FOXN4: variants seen among roughly 807,000 people sequenced by gnomAD.
FOXN4 encodes forkhead box protein N4.
A neutral mutation model predicts 45.0 loss-of-function variants in FOXN4; 12 were observed. The observed-to-expected ratio is 0.27, with a 90% CI of 0.17 to 0.43. The LOEUF (loss-of-function observed/expected upper bound fraction) is 0.43. Ranked by LOEUF, FOXN4 falls within the 20% of genes least tolerant of loss-of-function variation. The probability of loss-of-function intolerance (pLI) is 1.00; values close to 1 mark genes in which losing one functional copy is unlikely to be tolerated. For missense variants in FOXN4, 560 were observed against 694.9 expected (o/e 0.81, Z 2.18); for synonymous variants, 297 against 295.0 (o/e 1.01, Z -0.07).
chr12:109,287,361 G>A lies in FOXN4; in HGVS notation c.596+36C>T, dbSNP rs550465202. The A allele has an allele frequency of 2.1e-4, 327 of 1,550,592 alleles. No homozygotes were observed. Among genetic ancestry groups the A allele is most frequent in the Non-Finnish European group, 2.6e-4 (298 of 1,146,586 alleles). On this transcript the variant is annotated intron_variant, in intron 6 of 9. Coordinates refer to ENST00000299162, the MANE Select transcript of FOXN4 (RefSeq NM_213596.3). This position sits in a 1 kb window ranked among gnomAD's most constrained non-coding sequence, Gnocchi z 4.1. ...AGCCTCATCCCTCTCTCCCGGAGCC[G>A]CCCTTGGCCCTGACCCGGCCCACCC...
At chr12:109,302,065 A>T (rs1275771194) in intron 2 of FOXN4, among the ~76,000 whole-genome samples, 1 of 152,166 alleles carries the variant, frequency 6.6e-6, no homozygotes, top group Non-Finnish European at 1.5e-5. Flanking sequence ...ATGATCACCC[A>T]CTAATGTAAC....
chr12:109,298,135 C>T (rs903347447), intron 2 of FOXN4, among the ~76,000 whole-genome samples: 1 of 152,052 alleles, frequency 6.6e-6, no homozygotes, highest in Non-Finnish European at 1.5e-5. Flanking sequence ...AGGAGTCCCC[C>T]ATCGCCATCC....
chr12:109,287,975 G>T lies in FOXN4; in HGVS notation c.358-21C>A. ...CTCATCTGCTGGGCAGGAAGAGGAG[G>T]AGACAGAGGGTCACGGTGGGGGTAG... On this transcript the variant is annotated intron_variant, in intron 4 of 9. Coordinates refer to ENST00000299162, the MANE Select transcript of FOXN4 (RefSeq NM_213596.3). The surrounding 1 kb of genome is among the most constrained non-coding windows in gnomAD (Gnocchi z 4.1). 6.5e-7 allele frequency: 1 copy of T among 1,549,716 alleles called. No homozygotes were observed.
At position 109,287,619 on chromosome 12, in the gene FOXN4, T is replaced by C; in HGVS notation, c.469-95A>G. 1 of 1,409,698 alleles carries C rather than the reference T, an allele frequency of 7.1e-7. No individual in the cohort carries two copies. Among genetic ancestry groups the C allele is most frequent in the Non-Finnish European group, 9.4e-7 (1 of 1,062,066 alleles). The allele number at this position is 1,409,698 out of a possible 1,614,324, so 87.3% of individuals were successfully genotyped here. On this transcript the variant is annotated intron_variant, in intron 5 of 9. Coordinates refer to ENST00000299162, the MANE Select transcript of FOXN4 (RefSeq NM_213596.3). The surrounding 1 kb of genome is among the most constrained non-coding windows in gnomAD (Gnocchi z 4.1). ...CACAGTAACACTGTCCCCACCCCAG[T>C]TTCAAAACACCTTGTGTGGGGATTC...
At chr12:109,282,431 G>C (rs969897810) in intron 8 of FOXN4, among the ~76,000 whole-genome samples, 7 of 152,168 alleles carry the variant, frequency 4.6e-5, no homozygotes, top group African/African-American at 1.4e-4. Flanking sequence ...CTGGGTGATA[G>C]AGCAAGACCC....
Position 109,285,274 on chromosome 12 carries a change from T to TGTGTGTGTGTGCGC in FOXN4, c.901+29_901+30insGCGCACACACACAC, listed in dbSNP as rs71443850. On this transcript the variant is annotated intron_variant, in intron 8 of 9. Coordinates refer to ENST00000299162, the MANE Select transcript of FOXN4 (RefSeq NM_213596.3). ...GTGTGTGTGTGTGTGTGTGTGTGTG[T>TGTGTGTGTGTGCGC]GCGCGCACTGCGGGCTGTCCGGCCC... 1.4e-5 allele frequency: 21 copies of TGTGTGTGTGTGCGC among 1,539,840 alleles called. No homozygotes were observed. The African/African-American group carries it at 2.9e-4, about 21-fold the overall frequency.
At chr12:109,295,818 C>T (rs543775313) in intron 2 of FOXN4, among the ~76,000 whole-genome samples, 7 of 152,182 alleles carry the variant, frequency 4.6e-5, no homozygotes, top group South Asian at 2.1e-4. Context: ...TCCTTCCACC[C>T]GCTTCCTCCA....
At chr12:109,305,409 C>T (rs2047912574) in intron 2 of FOXN4, among the ~76,000 whole-genome samples, 1 of 151,994 alleles carries the variant, frequency 6.6e-6, no homozygotes, top group Non-Finnish European at 1.5e-5. Context: ...GTTATTTTGC[C>T]TTCTGGATAC....
intron 2 of FOXN4, among the ~76,000 whole-genome samples, chr12:109,298,337 T>A (rs559841050): frequency 8.1e-6 from 1 of 122,784 alleles, no homozygotes; most frequent in South Asian, 2.3e-4. Context: ...TCAGGTTTTT[T>A]TTTTTTGTTT....
At position 109,295,583 on chromosome 12, in the gene FOXN4, T is replaced by G. The variant is rs555782698; in HGVS notation, c.87-5297A>C. ...GGCAGATCACCTGAGGTCAGGAGTTTGAGACCAGCCTGGCCAACATGGCGA... is the reference window on the plus strand; with the variant it reads ...GGCAGATCACCTGAGGTCAGGAGTTGGAGACCAGCCTGGCCAACATGGCGA... On this transcript the variant is annotated intron_variant, in intron 2 of 9. Coordinates refer to ENST00000299162, the MANE Select transcript of FOXN4 (RefSeq NM_213596.3). 7.9e-5 allele frequency among the ~76,000 whole-genome samples: 12 copies of G among 152,344 alleles called. No individual in the cohort carries two copies. In the South Asian group the frequency reaches 2.5e-3, roughly 32 times the overall value.
chr12:109,281,575 G>C lies in FOXN4; in HGVS notation c.1126C>G (p.Pro376Ala). 1 of 1,606,708 alleles carries C rather than the reference G, an allele frequency of 6.2e-7. No homozygotes were observed. Reference protein sequence around the residue: ...QPQAHLAPDSPAPAQTPPLHA... With the variant: ...QPQAHLAPDSAAPAQTPPLHA... ...AGTGGCGGGGTCTGGGCTGGTGCTG[G>C]AGAGTCTGGAGCAAGATGTGCCTGG... Residue 376 changes from proline (P) to alanine (A), a missense_variant, in exon 9 of 10, where the codon CCA (proline) becomes GCA (alanine). Physicochemically the swap from Pro to Ala is conservative, Grantham distance 27. Coordinates refer to ENST00000299162, the MANE Select transcript of FOXN4 (RefSeq NM_213596.3).
intron 2 of FOXN4, among the ~76,000 whole-genome samples, chr12:109,292,485 C>G (rs1306256856): frequency 1.3e-5 from 2 of 152,282 alleles, no homozygotes; most frequent in South Asian, 4.1e-4. Context: ...GGCTTAACCT[C>G]TCTGAGCCTC....
chr12:109,285,240 C>A, intron 8 of FOXN4, 64 bp downstream of exon 8: 1 of 1,379,128 alleles, frequency 7.3e-7, no homozygotes, highest in South Asian at 1.3e-5. Flanking sequence ...GGTCCTTCCT[C>A]TTCCGTGTGT....
intron 2 of FOXN4, among the ~76,000 whole-genome samples, chr12:109,300,880 G>T (rs2047862504): frequency 2.6e-5 from 4 of 152,114 alleles, no homozygotes; most frequent in African/African-American, 9.7e-5. Context: ...CTGCACTCCA[G>T]CCTGGGGGAC....
intron 2 of FOXN4, among the ~76,000 whole-genome samples, chr12:109,306,138 C>G (rs530016961): frequency 4.6e-5 from 7 of 152,174 alleles, no homozygotes; most frequent in Admixed American, 6.5e-5. Context: ...CACTTCCCAC[C>G]GTGAGAGCCC....
In FOXN4 at chr12:109,288,632, AC is replaced by A. The variant is rs1276579934; in HGVS notation, c.233-453del. The stretch of plus-strand genomic sequence containing the variant: ...GTGCCTCTAGGTTTAGGTCCAAAGT[AC>A]CTTTGTGCCTCCTCTCCCCTTTGCC... On this transcript the variant is annotated intron_variant, in intron 3 of 9. Coordinates refer to ENST00000299162, the MANE Select transcript of FOXN4 (RefSeq NM_213596.3). The surrounding 1 kb of genome is among the most constrained non-coding windows in gnomAD (Gnocchi z 4.3). Among the ~76,000 whole-genome samples, 2 of 152,174 alleles carry A rather than the reference AC, an allele frequency of 1.3e-5. No individual in the cohort carries two copies. The highest frequency in any genetic ancestry group is 4.8e-5 in the African/African-American group (2 of 41,438).
intron 9 of FOXN4, among the ~76,000 whole-genome samples, chr12:109,280,594 C>T (rs2047643868): frequency 6.6e-6 from 1 of 152,154 alleles, no homozygotes; most frequent in Non-Finnish European, 1.5e-5. Flanking sequence ...TCTCTTTCTT[C>T]AGCACGTTGA....
At chr12:109,293,936 C>A (rs1041536503) in intron 2 of FOXN4, among the ~76,000 whole-genome samples, 6 of 152,282 alleles carry the variant, frequency 3.9e-5, no homozygotes, top group Non-Finnish European at 8.8e-5. Context: ...GTAGGCAGCC[C>A]CACTTCACAG....
chr12:109,286,502 G>A (rs2047711561), intron 7 of FOXN4, 146 bp downstream of exon 7: 1 of 727,570 alleles, frequency 1.4e-6, no homozygotes, highest in African/African-American at 1.8e-5. Context: ...TCTTCTGTGT[G>A]AGTGTGTGTG....
Sources: gnomAD v4.1 joint callset for allele counts (sites outside exome capture counted in the v4.1 genomes callset) on GRCh38, gnomAD v4.1.1 for gene constraint, Gnocchi (gnomAD v3.1) non-coding constraint, MANE v1.5 for transcripts, NCBI Gene and HGNC (gene_info 2026-07-23, HGNC 2026-07-21) for gene names.